The following MACROD2 variants were observed in gnomAD, a reference collection of about 807,000 sequenced individuals.
MACROD2 encodes ADP-ribose glycohydrolase MACROD2.
In MACROD2, 36 loss-of-function variants were observed where a neutral mutation model predicts 70.4. The ratio of observed to expected loss-of-function variants is 0.51; its 90% CI spans 0.39 to 0.68. The LOEUF (loss-of-function observed/expected upper bound fraction) is 0.68. MACROD2 is among the 30% of genes least tolerant of loss of function. MACROD2 has a pLI of 0.00. For missense variants in MACROD2, 496 were observed against 538.4 expected (o/e 0.92, Z 0.78); for synonymous variants, 172 against 178.8 (o/e 0.96, Z 0.30).
At chr20:14,035,395 C>T (rs1406071100) in intron 2 of MACROD2, among the ~76,000 whole-genome samples, 1 of 152,174 alleles carries the variant, frequency 6.6e-6, no homozygotes, top group Non-Finnish European at 1.5e-5. Flanking sequence ...TAGACATTAA[C>T]AAGAAGGTAA....
At chr20:14,521,355 A>G (rs2085167575) in intron 4 of MACROD2, among the ~76,000 whole-genome samples, 1 of 152,170 alleles carries the variant, frequency 6.6e-6, no homozygotes. Context: ...GAGCCAGTAA[A>G]TAGCAACAGG....
At chr20:15,532,653 A>G (rs886747143) in intron 8 of MACROD2, among the ~76,000 whole-genome samples, 2 of 128,372 alleles carry the variant, frequency 1.6e-5, no homozygotes, top group Non-Finnish European at 3.1e-5. Flanking sequence ...AACAAAATAA[A>G]CCAAAAAATA....
At chr20:14,571,217 CT>C (rs1358321236) in intron 4 of MACROD2, among the ~76,000 whole-genome samples, 6 of 151,946 alleles carry the variant, frequency 3.9e-5, no homozygotes, top group Non-Finnish European at 8.8e-5. Context: ...AGTTTTTTTC[CT>C]TTCATGACTG....
At chr20:14,003,969 T>TCAG (rs958404080) in intron 2 of MACROD2, among the ~76,000 whole-genome samples, 115 of 152,330 alleles carry the variant, frequency 7.5e-4, no homozygotes, top group African/African-American at 2.7e-3. Context: ...ATTGAATATT[T>TCAG]CAGCAGCAGC....
intron 3 of MACROD2, among the ~76,000 whole-genome samples, chr20:14,365,804 G>T (rs1342233627): frequency 1.3e-5 from 2 of 152,040 alleles, no homozygotes; most frequent in Non-Finnish European, 2.9e-5. Context: ...TTGGCATGTT[G>T]TATTTTCATT....
chr20:14,807,882 A>G (rs1335258346), intron 5 of MACROD2, among the ~76,000 whole-genome samples: 1 of 152,152 alleles, frequency 6.6e-6, no homozygotes, highest in African/African-American at 2.4e-5. Context: ...GTGTGAAGAC[A>G]AGATTAGAGA....
chr20:15,762,316 C>T (rs1378739348), intron 8 of MACROD2, among the ~76,000 whole-genome samples: 2 of 152,146 alleles, frequency 1.3e-5, no homozygotes, highest in African/African-American at 2.4e-5. Flanking sequence ...TTGATTACTC[C>T]AGGGCCAGAG....
At chr20:15,365,227 G>A (rs183705422) in intron 6 of MACROD2, among the ~76,000 whole-genome samples, 6 of 152,234 alleles carry the variant, frequency 3.9e-5, no homozygotes, top group African/African-American at 1.2e-4. Flanking sequence ...GTGTTTTATA[G>A]TGAATATAGT....
chr20:15,190,375 A>T (rs2076562565), intron 5 of MACROD2, among the ~76,000 whole-genome samples: 1 of 152,144 alleles, frequency 6.6e-6, no homozygotes, highest in Admixed American at 6.5e-5. Context: ...CTCAGTGCTC[A>T]TCCCATATTC....
rs150044902 is a variant in MACROD2, at chr20:14,617,907, G to A, written c.302-66936G>A. On this transcript the variant is annotated intron_variant, in intron 4 of 17. Coordinates refer to ENST00000684519, the MANE Select transcript of MACROD2 (RefSeq NM_001351661.2). The stretch of plus-strand genomic sequence containing the variant: ...TGCTTTGGTGGTTATTTGTGCAGGT[G>A]ATAATTTGTACAGAACTAGACTTCA... Among the ~76,000 whole-genome samples, 923 of 152,298 alleles carry A rather than the reference G, an allele frequency of 6.1e-3. 13 individuals carry two copies. Among genetic ancestry groups the A allele is most frequent in the African/African-American group, 0.021 (892 of 41,572 alleles).
intron 5 of MACROD2, among the ~76,000 whole-genome samples, chr20:14,751,182 G>A (rs2123736068): frequency 6.6e-6 from 1 of 152,228 alleles, no homozygotes; most frequent in East Asian, 1.9e-4. Context: ...CCCTCCTTGG[G>A]CTTCCTTACT....
chr20:15,231,689 A>G (rs1005040356), intron 6 of MACROD2, among the ~76,000 whole-genome samples: 1 of 152,072 alleles, frequency 6.6e-6, no homozygotes, highest in Non-Finnish European at 1.5e-5. Context: ...GTGTTACTCT[A>G]TTTGCTACCA....
intron 5 of MACROD2, among the ~76,000 whole-genome samples, chr20:15,021,227 C>CGTATACACACACCTGTGTGTAT (rs1218437392): frequency 1.0e-4 from 1 of 9,594 alleles, no homozygotes; most frequent in Non-Finnish European, 2.1e-4. Flanking sequence ...TACAGGTGTG[C>CGTATACACACACCTGTGTGTAT]GTATACACAC....
intron 6 of MACROD2, among the ~76,000 whole-genome samples, chr20:15,292,400 G>C (rs1169724384): frequency 6.6e-6 from 1 of 152,142 alleles, no homozygotes; most frequent in African/African-American, 2.4e-5. Context: ...AAAAATTGTT[G>C]CACCTATCTT....
chr20:14,969,163 A>G (rs1568903772), intron 5 of MACROD2, among the ~76,000 whole-genome samples: 1 of 148,914 alleles, frequency 6.7e-6, no homozygotes, highest in Non-Finnish European at 1.5e-5. Context: ...TCTCCAGTTT[A>G]TATATATATA....
intron 8 of MACROD2, among the ~76,000 whole-genome samples, chr20:15,798,895 A>G (rs371886113): frequency 6.6e-6 from 1 of 152,346 alleles, no homozygotes; most frequent in South Asian, 2.1e-4. Context: ...TCAGCCAGAC[A>G]GTATTGATTT....
intron 4 of MACROD2, among the ~76,000 whole-genome samples, chr20:14,522,042 C>T (rs2085174229): frequency 1.3e-5 from 2 of 152,284 alleles, no homozygotes; most frequent in South Asian, 4.1e-4. Flanking sequence ...CCCGTCGAAG[C>T]CGCTGTGATG....
chr20:15,632,176 T>A (rs894200343), intron 8 of MACROD2, among the ~76,000 whole-genome samples: 27 of 147,814 alleles, frequency 1.8e-4, no homozygotes, highest in African/African-American at 4.9e-4. Context: ...AAAAAAAAAA[T>A]AAATAAATAA....
chr20:14,565,431 T>G (rs919630559), intron 4 of MACROD2, among the ~76,000 whole-genome samples: 16 of 151,808 alleles, frequency 1.1e-4, no homozygotes, highest in African/African-American at 3.9e-4. Context: ...CCACATTCAT[T>G]TCCCTCCCAC....
Sources: gnomAD v4.1 joint callset for allele counts (sites outside exome capture counted in the v4.1 genomes callset) on GRCh38, gnomAD v4.1.1 for gene constraint, MANE v1.5 for transcripts, NCBI Gene and HGNC (gene_info 2026-07-23, HGNC 2026-07-21) for gene names.